The following CNTN5 variants were observed in gnomAD, a reference collection of about 807,000 sequenced individuals.
CNTN5 encodes the protein contactin 5, also known as contactin-5.
A neutral mutation model predicts 129.1 loss-of-function variants in CNTN5; 77 were observed. The ratio of observed to expected loss-of-function variants is 0.60; its 90% CI spans 0.50 to 0.72. The LOEUF is 0.72. Among genes scored for constraint, CNTN5 ranks in the 30% least tolerant of loss-of-function variants. CNTN5 has a pLI of 0.00. For synonymous variants in CNTN5, 509 were observed against 465.6 expected (o/e 1.09, Z -1.20); for missense variants, 1,478 against 1,328.8 (o/e 1.11, Z -1.75).
chr11:99,985,253 T>C (rs766351323), intron 8 of CNTN5, among the ~76,000 whole-genome samples: 23 of 152,092 alleles, frequency 1.5e-4, no homozygotes, highest in Non-Finnish European at 3.2e-4. Context: ...ACACAGACAC[T>C]TGAAGGATGG....
intron 4 of CNTN5, among the ~76,000 whole-genome samples, chr11:99,837,805 G>C (rs1228705459): frequency 6.6e-6 from 1 of 151,728 alleles, no homozygotes; most frequent in East Asian, 1.9e-4. Flanking sequence ...TTTATTGAGT[G>C]ATTATGATTA....
intron 1 of CNTN5, among the ~76,000 whole-genome samples, chr11:99,221,168 CA>C (rs1173440504): frequency 6.6e-6 from 1 of 151,864 alleles, no homozygotes; most frequent in African/African-American, 2.4e-5. Flanking sequence ...GTCTAGAATT[CA>C]AACAAGTATA....
intron 3 of CNTN5, among the ~76,000 whole-genome samples, chr11:99,666,327 G>T (rs1952791524): frequency 6.6e-6 from 1 of 152,140 alleles, no homozygotes; most frequent in Non-Finnish European, 1.5e-5. Flanking sequence ...AAGTGAATTG[G>T]AGATGCAATG....
chr11:99,567,071 T>C (rs1169933527), intron 3 of CNTN5, among the ~76,000 whole-genome samples: 1 of 152,218 alleles, frequency 6.6e-6, no homozygotes, highest in Non-Finnish European at 1.5e-5. Context: ...AGTCTGTATC[T>C]TTGCACTTGG....
At chr11:99,482,790 C>T (rs1945651802) in intron 2 of CNTN5, among the ~76,000 whole-genome samples, 1 of 151,896 alleles carries the variant, frequency 6.6e-6, no homozygotes, top group Non-Finnish European at 1.5e-5. Flanking sequence ...TAATTAATAC[C>T]CGGAACTTCA....
At chr11:99,551,611 A>T (rs1948485124) in intron 2 of CNTN5, among the ~76,000 whole-genome samples, 1 of 152,192 alleles carries the variant, frequency 6.6e-6, no homozygotes, top group Non-Finnish European at 1.5e-5. Flanking sequence ...AGGTGATATA[A>T]TCATTGTGTG....
At chr11:99,751,629 A>G (rs1230158710) in intron 3 of CNTN5, among the ~76,000 whole-genome samples, 3 of 152,212 alleles carry the variant, frequency 2.0e-5, no homozygotes, top group Non-Finnish European at 4.4e-5. Context: ...GTAATATGTC[A>G]GATTATTATC....
chr11:99,954,530 A>C (rs1410028274), intron 7 of CNTN5, among the ~76,000 whole-genome samples: 2 of 152,190 alleles, frequency 1.3e-5, no homozygotes, highest in Non-Finnish European at 2.9e-5. Context: ...TATGAAGCTA[A>C]AGGCTGTGGC....
intron 3 of CNTN5, among the ~76,000 whole-genome samples, chr11:99,638,715 C>G (rs950506951): frequency 2.6e-5 from 4 of 152,152 alleles, no homozygotes; most frequent in African/African-American, 9.7e-5. Context: ...AAATGATCTC[C>G]TTTGACTCCA....
chr11:100,184,131 C>G (rs183004529), intron 13 of CNTN5, among the ~76,000 whole-genome samples: 3 of 152,278 alleles, frequency 2.0e-5, no homozygotes, highest in African/African-American at 7.2e-5. Flanking sequence ...TATTTCCTGG[C>G]ACTCTCTACT....
In CNTN5 at chr11:99,635,768, G is replaced by A. The variant is rs941597137; in HGVS notation, c.55+79499G>A. Among the ~76,000 whole-genome samples, 4 of 152,030 alleles carry A rather than the reference G, an allele frequency of 2.6e-5. No individual in the cohort carries two copies. The East Asian group carries it at 5.8e-4, about 22-fold the overall frequency. ...GTAAATAAATTATGTTTATGTATTT[G>A]TATGTTCATGTCAGTTTTGTTACTA... On this transcript the variant is annotated intron_variant, in intron 3 of 24. Transcript: ENST00000524871.
chr11:99,591,260 C>T (rs955261487), intron 3 of CNTN5, among the ~76,000 whole-genome samples: 7 of 151,512 alleles, frequency 4.6e-5, no homozygotes, highest in Admixed American at 3.3e-4. Flanking sequence ...CAGAGCCCAT[C>T]TCATGATTTA....
At chr11:99,795,408 T>G (rs1945896697) in intron 3 of CNTN5, among the ~76,000 whole-genome samples, 1 of 152,188 alleles carries the variant, frequency 6.6e-6, no homozygotes, top group Admixed American at 6.5e-5. Context: ...TATTCTGAAT[T>G]GTTTTTCTGT....
chr11:99,671,493 CA>C (rs1195823860), intron 3 of CNTN5, among the ~76,000 whole-genome samples: 12 of 152,124 alleles, frequency 7.9e-5, no homozygotes, highest in African/African-American at 2.9e-4. Flanking sequence ...GAAACACATG[CA>C]AATAGCAAAT....
chr11:99,874,347 G>C (rs1009422449), intron 6 of CNTN5, among the ~76,000 whole-genome samples: 2 of 152,060 alleles, frequency 1.3e-5, no homozygotes, highest in Admixed American at 6.5e-5. Flanking sequence ...GGATTTTTCT[G>C]ATTAGACACA....
chr11:99,331,955 C>T (rs1009511290), intron 2 of CNTN5, among the ~76,000 whole-genome samples: 3 of 151,902 alleles, frequency 2.0e-5, no homozygotes, highest in Non-Finnish European at 4.4e-5. Flanking sequence ...AAAAGAGAGA[C>T]GTGGAATAGA....
intron 2 of CNTN5, among the ~76,000 whole-genome samples, chr11:99,443,763 CT>C (rs1400392275): frequency 4.6e-5 from 7 of 152,116 alleles, no homozygotes; most frequent in African/African-American, 1.7e-4. Context: ...AAATATTGTA[CT>C]TAAAATACTT....
chr11:99,515,744 C>T (rs1947023124), intron 2 of CNTN5, among the ~76,000 whole-genome samples: 1 of 151,864 alleles, frequency 6.6e-6, no homozygotes, highest in South Asian at 2.1e-4. Flanking sequence ...TGCATTTATG[C>T]TGTTTTATTT....
At chr11:99,136,749 A>T (rs1459966934) in intron 1 of CNTN5, among the ~76,000 whole-genome samples, 1 of 146,576 alleles carries the variant, frequency 6.8e-6, no homozygotes, top group Non-Finnish European at 1.5e-5. Context: ...CAGACTACAC[A>T]GATGGACGGA....
Sources: gnomAD v4.1 joint callset for allele counts (sites outside exome capture counted in the v4.1 genomes callset) on GRCh38, gnomAD v4.1.1 for gene constraint, MANE v1.5 for transcripts, NCBI Gene and HGNC (gene_info 2026-07-23, HGNC 2026-07-21) for gene names.